ZFHX2: variants seen among roughly 807,000 people sequenced by gnomAD.
The protein encoded by ZFHX2 is zinc finger homeobox 2, also known as zinc finger homeobox protein 2.
A neutral mutation model predicts 164.8 loss-of-function variants in ZFHX2; 75 were observed. The ratio of observed to expected loss-of-function variants is 0.46; its 90% CI spans 0.38 to 0.55. ZFHX2 has a LOEUF of 0.55. Ranked by LOEUF, ZFHX2 falls within the 20% of genes least tolerant of loss-of-function variation. The pLI is 0.00. For missense variants in ZFHX2, 2,933 were observed against 3,308.0 expected, an observed-to-expected ratio of 0.89 and a Z score of 2.78; for synonymous variants, 1,217 against 1,351.4, an observed-to-expected ratio of 0.90 and a Z score of 2.18.
At chr14:23,545,402 A>G (rs1169786173) in intron 1 of ZFHX2, among the ~76,000 whole-genome samples, 1 of 151,894 alleles carries the variant, frequency 6.6e-6, no homozygotes, top group Non-Finnish European at 1.5e-5. Flanking sequence ...TTGCTCTCCA[A>G]TTTCTTAGTC....
In ZFHX2 at chr14:23,527,570, CTTG is replaced by C. The variant is rs1304454714; in HGVS notation, c.3135+31_3135+33del. 4.6e-6 allele frequency: 7 copies of C among 1,535,996 alleles called. No homozygotes were observed. In the Admixed American group the frequency reaches 7.8e-5, roughly 17 times the overall value. On this transcript the variant is annotated intron_variant, in intron 7 of 9. Transcript: ENST00000419474. ...CCCTCCTGCACAGCCCTAATAAGGT[CTTG>C]TTGTACCGTCCTCACCCAGCCTGTA... is the stretch of plus-strand genomic sequence containing the variant.
intron 1 of ZFHX2, among the ~76,000 whole-genome samples, chr14:23,540,750 T>A (rs1642716123): frequency 6.6e-6 from 1 of 152,202 alleles, no homozygotes; most frequent in South Asian, 2.1e-4. Flanking sequence ...CCTTACTCAG[T>A]TGTGAAGACC....
upstream of ZFHX2, among the ~76,000 whole-genome samples, chr14:23,554,934 AT>A (rs1882239019): frequency 6.6e-6 from 1 of 152,126 alleles, no homozygotes; most frequent in Non-Finnish European, 1.5e-5. Context: ...AATCATCTCT[AT>A]TAATATTTTG....
rs1244552052 is a variant in ZFHX2 at position 23,533,088 on chromosome 14, G to A, written c.2042-4C>T. 3 of 1,519,560 alleles carry A rather than the reference G, an allele frequency of 2.0e-6. No individual in the cohort carries two copies. In the Admixed American group the frequency reaches 6.0e-5, roughly 30 times the overall value. The allele number at this position is 1,519,560 out of a possible 1,614,324, so 94.1% of individuals were successfully genotyped here. ...TCAGGGGATAGGCTTCCAGGGGCTAGAGGACAGAGACAGATTAGTGGCCCA... is the reference window on the plus strand; with the variant it reads ...TCAGGGGATAGGCTTCCAGGGGCTAAAGGACAGAGACAGATTAGTGGCCCA... On this transcript the variant is annotated splice_polypyrimidine_tract_variant and splice_region_variant and intron_variant, in intron 2 of 9. Coordinates refer to ENST00000419474, the MANE Select transcript of ZFHX2 (RefSeq NM_033400.3). This position sits in a 1 kb window ranked among gnomAD's most constrained non-coding sequence, Gnocchi z 4.8.
intron 1 of ZFHX2, among the ~76,000 whole-genome samples, chr14:23,537,344 C>T (rs1228617392): frequency 1.9e-4 from 29 of 152,022 alleles, no homozygotes; most frequent in Admixed American, 1.8e-3. Context: ...CTCTAGCTCT[C>T]GTATTAGCAG....
chr14:23,544,911 C>T (rs189777833), intron 1 of ZFHX2, among the ~76,000 whole-genome samples: 7 of 152,184 alleles, frequency 4.6e-5, no homozygotes, highest in African/African-American at 1.7e-4. Context: ...CTTTCCTGTC[C>T]CCCATTGTTC....
chr14:23,547,352 T>C (rs1881493817), intron 1 of ZFHX2, among the ~76,000 whole-genome samples: 1 of 152,250 alleles, frequency 6.6e-6, no homozygotes, highest in Non-Finnish European at 1.5e-5. Context: ...TTGCGGCCAT[T>C]GTATATATAC....
upstream of ZFHX2, among the ~76,000 whole-genome samples, chr14:23,552,086 T>G (rs1882009134): frequency 6.6e-6 from 1 of 152,030 alleles, no homozygotes; most frequent in South Asian, 2.1e-4. Flanking sequence ...CTTTTTTCAT[T>G]CTCTTCTTCC....
intron 6 of ZFHX2, chr14:23,528,716 T>C (rs1048203294): frequency 2.0e-6 from 2 of 985,308 alleles, no homozygotes; most frequent in Non-Finnish European, 2.4e-6. Context: ...TTCTTTTTCC[T>C]AATGTGAATA....
Position 23,524,417 on chromosome 14 carries a change from G to T in ZFHX2, c.5525C>A (p.Thr1842Lys). 2.0e-6 allele frequency: 3 copies of T among 1,536,230 alleles called. No individual in the cohort carries two copies. The highest frequency in any genetic ancestry group is 3.3e-4 in the Middle Eastern group (2 of 5,990). Residue 1842 changes from threonine to lysine, a missense_variant, in exon 9 of 10, where the codon ACA becomes AAA. Transcript: ENST00000419474. This position sits in a 1 kb window ranked among gnomAD's most constrained non-coding sequence, Gnocchi z 5.6. Reference sequence around the variant, plus strand: ...CCCTCCTCCCCCTGCTTCACTGCCTGTGGGAGACAAGCTGCCGTCCTCATG... The same window carrying T: ...CCCTCCTCCCCCTGCTTCACTGCCTTTGGGAGACAAGCTGCCGTCCTCATG... ...RKHEDGSLSP[T>K]GSEAGGGGEG...
chr14:23,552,188 C>T (rs908957249), upstream of ZFHX2, among the ~76,000 whole-genome samples: 3 of 152,078 alleles, frequency 2.0e-5, no homozygotes, highest in Admixed American at 6.6e-5. Flanking sequence ...TCTCTGAGAG[C>T]TTCTGCCTCC....
At chr14:23,540,068 G>GA (rs373616178) in intron 1 of ZFHX2, among the ~76,000 whole-genome samples, 84 of 152,318 alleles carry the variant, frequency 5.5e-4, no homozygotes, top group African/African-American at 1.9e-3. Context: ...TCTCACTGCA[G>GA]ACTCTGCCTC....
Position 23,524,680 on chromosome 14 carries a change from G to C in ZFHX2, c.5262C>G (p.Gly1754=). ...LSQAEATKAG[G]KEPEEKATPS... ...GAGTAGCCTTCTCTTCAGGCTCTTT[G>C]CCTCCTGCCTTTGTTGCCTCTGCTT... Residue 1754 remains glycine (G), a synonymous_variant, in exon 9 of 10, where the codon GGC becomes GGG. Transcript: ENST00000419474. This position sits in a 1 kb window ranked among gnomAD's most constrained non-coding sequence, Gnocchi z 5.6. 6.5e-7 allele frequency: 1 copy of C among 1,536,298 alleles called. No homozygotes were observed. Among genetic ancestry groups the C allele is most frequent in the Non-Finnish European group, 8.7e-7 (1 of 1,146,926 alleles).
At position 23,523,118 on chromosome 14, in the gene ZFHX2, G is replaced by T. The variant is rs1317410101; in HGVS notation, c.6739+85C>A. On this transcript the variant is annotated intron_variant, in intron 9 of 9. Transcript: ENST00000419474. The surrounding 1 kb of genome is among the most constrained non-coding windows in gnomAD (Gnocchi z 4.1). The stretch of plus-strand genomic sequence containing the variant: ...GGAAGGCCACAGGAGATTGGGCATG[G>T]GAAGAATCAGGAAGGAAAAGGAAGG... The T allele has an allele frequency of 1.4e-6, 2 of 1,401,120 alleles. No homozygotes were observed. Among genetic ancestry groups the T allele is most frequent in the African/African-American group, 1.4e-5 (1 of 69,054 alleles). 86.8% of individuals were successfully genotyped at this position (1,401,120 alleles called of 1,614,324 possible).
Position 23,522,673 on chromosome 14 carries a change from A to T in ZFHX2, c.7008T>A (p.Thr2336=). ...ACTGGCCCCCCAACAGGGCTGGGACAGTGGTCTTCAATGCTTTGAGGTTCT... is the reference window on the plus strand; with the variant it reads ...ACTGGCCCCCCAACAGGGCTGGGACTGTGGTCTTCAATGCTTTGAGGTTCT... ...ALKNLKALKT[T]VPALLGGQFL... Residue 2336 remains threonine (T), a synonymous_variant, in exon 10 of 10, where the codon ACT becomes ACA. Coordinates refer to ENST00000419474, the MANE Select transcript of ZFHX2 (RefSeq NM_033400.3). 1 of 1,536,548 alleles carries T rather than the reference A, an allele frequency of 6.5e-7. No homozygotes were observed. The highest frequency in any genetic ancestry group is 8.7e-7 in the Non-Finnish European group (1 of 1,146,954).
intron 6 of ZFHX2, chr14:23,528,719 T>C (rs1213802248): frequency 2.0e-6 from 2 of 985,302 alleles, no homozygotes; most frequent in East Asian, 2.3e-4. Context: ...TTTTTCCTAA[T>C]GTGAATAAAC....
Position 23,525,444 on chromosome 14 carries a change from C to T in ZFHX2, c.4498G>A (p.Glu1500Lys). Residue 1500 changes from glutamate to lysine, a missense_variant, in exon 9 of 10, where the codon GAA becomes AAA. Glu to Lys is a moderately conservative substitution (Grantham distance 56). Transcript: ENST00000419474. This position sits in a 1 kb window ranked among gnomAD's most constrained non-coding sequence, Gnocchi z 5.9. Reference sequence around the variant, plus strand: ...GGCAGAAAGCGGCGGTGGACATGTTCCTCGTGTGTCTTGAGGATAAGCATA... The same window carrying T: ...GGCAGAAAGCGGCGGTGGACATGTTTCTCGTGTGTCTTGAGGATAAGCATA... ...SNMLILKTHE[E>K]HVHRRFLPFE... The T allele has an allele frequency of 6.5e-7, 1 of 1,536,122 alleles. No individual in the cohort carries two copies. Among genetic ancestry groups the T allele is most frequent in the Non-Finnish European group, 8.7e-7 (1 of 1,146,912 alleles).
Position 23,525,708 on chromosome 14 carries a change from G to A in ZFHX2, c.4234C>T (p.Arg1412Trp), listed in dbSNP as rs979034464. The change falls in exon 9 of 10, where the codon CGG (arginine) becomes TGG (tryptophan). Residue 1412 changes from arginine to tryptophan, a missense_variant. By Grantham distance (101) the Arg-to-Trp change is moderately radical. Coordinates refer to ENST00000419474, the MANE Select transcript of ZFHX2 (RefSeq NM_033400.3). This position sits in a 1 kb window ranked among gnomAD's most constrained non-coding sequence, Gnocchi z 5.9. ...TTACCCTCTTTGGCCATGGGGGGCCGCTCCCACTCCCGCTCAGCCAGCTCA... is the reference window on the plus strand; with the variant it reads ...TTACCCTCTTTGGCCATGGGGGGCCACTCCCACTCCCGCTCAGCCAGCTCA... ...KAELAEREWE[R>W]PPMAKEGNEA... 61 of 1,522,040 alleles carry A rather than the reference G, an allele frequency of 4.0e-5. No individual in the cohort carries two copies. The highest frequency in any genetic ancestry group is 2.6e-4 in the Admixed American group (13 of 50,144). The allele number at this position is 1,522,040 out of a possible 1,614,324, so 94.3% of individuals were successfully genotyped here.
intron 5 of ZFHX2, 23 bp from the exon 6 acceptor site, chr14:23,529,791 T>C: frequency 6.5e-7 from 1 of 1,535,238 alleles, no homozygotes; most frequent in Non-Finnish European, 8.7e-7. Flanking sequence ...GAAGAGGAGA[T>C]TAAGGAACCC....
Sources: allele counts gnomAD v4.1 joint callset (sites outside exome capture counted in the v4.1 genomes callset), GRCh38; gene constraint gnomAD v4.1.1; non-coding constraint Gnocchi (gnomAD v3.1); transcripts MANE v1.5; gene names NCBI Gene and HGNC (gene_info 2026-07-23, HGNC 2026-07-21).